The following SPATA6 variants were observed in gnomAD, a reference collection of about 807,000 sequenced individuals.
SPATA6 encodes spermatogenesis-associated protein 6.
A neutral mutation model predicts 65.3 loss-of-function variants in SPATA6; 56 were observed. That is an observed-to-expected ratio of 0.86 (90% CI 0.69 to 1.07). The LOEUF (loss-of-function observed/expected upper bound fraction) is 1.07. Ranked by LOEUF, SPATA6 falls within the 50% of genes least tolerant of loss-of-function variation. The pLI is 0.00. For missense variants in SPATA6, 590 were observed against 594.8 expected (o/e 0.99, Z 0.08); for synonymous variants, 199 against 213.2 (o/e 0.93, Z 0.58).
chr1:48,413,054 A>C (rs992847806), intron 4 of SPATA6, 56 bp downstream of exon 4: 15 of 505,582 alleles, frequency 3.0e-5, no homozygotes, highest in Non-Finnish European at 4.5e-5. Flanking sequence ...AATATATTAT[A>C]TATTACATCA....
At chr1:48,368,981 G>T (rs1254125144) in intron 9 of SPATA6, among the ~76,000 whole-genome samples, 1 of 152,108 alleles carries the variant, frequency 6.6e-6, no homozygotes, top group South Asian at 2.1e-4. Context: ...TGGTGTGGAT[G>T]TCCTTTCTGT....
At chr1:48,291,662 G>A (rs1644769051), downstream of SPATA6, among the ~76,000 whole-genome samples, 1 of 152,184 alleles carries the variant, frequency 6.6e-6, no homozygotes, top group Non-Finnish European at 1.5e-5. Flanking sequence ...CTTGCCCCAG[G>A]CTACAAGCAT....
chr1:48,312,339 T>G (rs572013330), intron 11 of SPATA6, among the ~76,000 whole-genome samples: 6 of 151,848 alleles, frequency 4.0e-5, no homozygotes, highest in Admixed American at 1.3e-4. Flanking sequence ...CTGACTACTC[T>G]GAGACAAAAC....
At chr1:48,422,029 G>A (rs1653390455) in intron 3 of SPATA6, among the ~76,000 whole-genome samples, 1 of 152,128 alleles carries the variant, frequency 6.6e-6, no homozygotes, top group Admixed American at 6.6e-5. Context: ...ATAGAAAGCT[G>A]TAATGCTTAA....
intron 12 of SPATA6, among the ~76,000 whole-genome samples, chr1:48,303,764 T>C (rs1253856341): frequency 6.6e-6 from 1 of 152,228 alleles, no homozygotes; most frequent in Non-Finnish European, 1.5e-5. Context: ...TTCCTTTCTT[T>C]TAGGTAGTAT....
intron 8 of SPATA6, among the ~76,000 whole-genome samples, chr1:48,388,887 A>G (rs1360086333): frequency 6.6e-6 from 1 of 151,610 alleles, no homozygotes; most frequent in Non-Finnish European, 1.5e-5. Context: ...TTTTATTTTT[A>G]TTTTTTATTT....
At chr1:48,299,026 G>A (rs1285294248) in intron 12 of SPATA6, 133 bp from the exon 13 acceptor site, 2 of 819,130 alleles carry the variant, frequency 2.4e-6, no homozygotes, top group Non-Finnish European at 3.6e-6. Flanking sequence ...ATAAAACAGA[G>A]TAAGGCCTGT....
At chr1:48,352,345 T>A (rs1198778233) in intron 11 of SPATA6, among the ~76,000 whole-genome samples, 3 of 152,042 alleles carry the variant, frequency 2.0e-5, no homozygotes, top group South Asian at 2.1e-4. Flanking sequence ...CCAAACCATA[T>A]CATTTATAGT....
intron 9 of SPATA6, 141 bp from the exon 10 acceptor site, chr1:48,359,911 C>T (rs1420231649): frequency 3.3e-6 from 2 of 601,652 alleles, no homozygotes; most frequent in Admixed American, 3.4e-5. Context: ...AAAACATATG[C>T]CACAGCTATA....
At chr1:48,313,125 A>G (rs904395102) in intron 11 of SPATA6, among the ~76,000 whole-genome samples, 5 of 152,346 alleles carry the variant, frequency 3.3e-5, no homozygotes, top group Admixed American at 3.3e-4. Flanking sequence ...ACTCCACAGG[A>G]TATTTTCCAG....
At chr1:48,375,996 TA>T (rs530827615) in intron 9 of SPATA6, among the ~76,000 whole-genome samples, 264 of 152,298 alleles carry the variant, frequency 1.7e-3, no homozygotes, top group Middle Eastern at 6.8e-3. Context: ...ATTCCTTCCT[TA>T]AAAGATTTGC....
In SPATA6 at chr1:48,438,534, C is replaced by T. The variant is rs115242248; in HGVS notation, c.238+13018G>A. ...TTCCTGTACTTCCAGGCTGAGCCGA[C>T]GGTCAACAGAGAGGAAAGACATTCA... On this transcript the variant is annotated intron_variant, in intron 3 of 12. Coordinates refer to ENST00000371847, the MANE Select transcript of SPATA6 (RefSeq NM_019073.4). Among the ~76,000 whole-genome samples, 693 of 152,230 alleles carry T rather than the reference C, an allele frequency of 4.6e-3. 4 individuals are homozygous for T. The highest frequency in any genetic ancestry group is 0.015 in the African/African-American group (617 of 41,528).
the SPATA6 span, among the ~76,000 whole-genome samples, chr1:48,283,712 A>AGAAAGAAAGAAAGAAAGAAAGAAG: frequency 2.7e-5 from 4 of 146,524 alleles, no homozygotes; most frequent in Non-Finnish European, 6.0e-5. Flanking sequence ...AAAGAAAGAA[A>AGAAAGAAAGAAAGAAAGAAAGAAG]GAAAGAAAGA....
chr1:48,442,717 TAAAAAA>T (rs71056669), intron 3 of SPATA6, among the ~76,000 whole-genome samples: 42 of 46,218 alleles, frequency 9.1e-4, no homozygotes, highest in South Asian at 2.6e-3. Context: ...ATGGAAGTAG[TAAAAAA>T]AAAAAAAAAA....
chr1:48,459,149 G>A (rs1485152513), intron 1 of SPATA6, among the ~76,000 whole-genome samples: 1 of 136,528 alleles, frequency 7.3e-6, no homozygotes, highest in Non-Finnish European at 1.5e-5. Context: ...TGGTCGCAGT[G>A]AGACAAGATC....
chr1:48,317,691 T>A (rs192329019), intron 11 of SPATA6, among the ~76,000 whole-genome samples: 2 of 151,874 alleles, frequency 1.3e-5, no homozygotes, highest in Non-Finnish European at 2.9e-5. Context: ...AATAAAAAAC[T>A]TAACACAAAG....
the SPATA6 span, among the ~76,000 whole-genome samples, chr1:48,286,067 A>T: frequency 6.6e-6 from 1 of 152,094 alleles, no homozygotes; most frequent in South Asian, 2.1e-4. Flanking sequence ...TGTTTTGTTT[A>T]TTATAGCTTT....
At chr1:48,438,007 A>C (rs1190094241) in intron 3 of SPATA6, among the ~76,000 whole-genome samples, 1 of 152,112 alleles carries the variant, frequency 6.6e-6, no homozygotes, top group African/African-American at 2.4e-5. Context: ...AAATGGACCA[A>C]TCAGAAGGAT....
chr1:48,266,079 T>G, the SPATA6 span, among the ~76,000 whole-genome samples: 1 of 152,168 alleles, frequency 6.6e-6, no homozygotes, highest in African/African-American at 2.4e-5. Flanking sequence ...TCCTTTCCTA[T>G]TCAATGTAGC....
Sources: gnomAD v4.1 joint callset for allele counts (sites outside exome capture counted in the v4.1 genomes callset) on GRCh38, gnomAD v4.1.1 for gene constraint, MANE v1.5 for transcripts, NCBI Gene and HGNC (gene_info 2026-07-23, HGNC 2026-07-21) for gene names.